CDC42SE2: variants seen among roughly 807,000 people sequenced by gnomAD.
CDC42SE2 encodes the protein CDC42 small effector protein 2.
Under a neutral mutation model 11.5 loss-of-function variants are expected in CDC42SE2, and 3 were observed. The observed-to-expected ratio is 0.26, with a 90% CI of 0.12 to 0.67. The LOEUF is 0.67. Ranked by LOEUF, CDC42SE2 falls within the 30% of genes least tolerant of loss-of-function variation. The pLI is 0.80. For synonymous variants in CDC42SE2, 33 were observed against 34.8 expected, an observed-to-expected ratio of 0.95 and a Z score of 0.18; for missense variants, 82 against 106.8, an observed-to-expected ratio of 0.77 and a Z score of 1.02.
chr5:131,254,141 C>T (rs1756661643), intron 1 of CDC42SE2, among the ~76,000 whole-genome samples: 1 of 152,182 alleles, frequency 6.6e-6, no homozygotes, highest in African/African-American at 2.4e-5. Context: ...CCCATCAACT[C>T]GTCATTTACA....
intron 2 of CDC42SE2, among the ~76,000 whole-genome samples, chr5:131,354,368 T>C (rs951613840): frequency 1.3e-5 from 2 of 152,118 alleles, no homozygotes; most frequent in African/African-American, 4.8e-5. Flanking sequence ...CAGGAGCCCA[T>C]AAGCACCTCT....
chr5:131,287,470 C>CT (rs879882960), intron 1 of CDC42SE2, among the ~76,000 whole-genome samples: 1,423 of 141,352 alleles, frequency 0.01, 15 homozygotes, highest in African/African-American at 0.025. Context: ...TTTTCTTTTT[C>CT]TTTTTTTTTT....
chr5:131,342,085 T>C (rs1435437192), intron 2 of CDC42SE2, among the ~76,000 whole-genome samples: 2 of 151,714 alleles, frequency 1.3e-5, no homozygotes, highest in African/African-American at 4.8e-5. Context: ...ATCGAGACCA[T>C]CCTGGCCAAC....
chr5:131,347,306 A>T (rs185767024), intron 2 of CDC42SE2, among the ~76,000 whole-genome samples: 1 of 152,342 alleles, frequency 6.6e-6, no homozygotes, highest in African/African-American at 2.4e-5. Context: ...ATAAAAAATG[A>T]TAAAGGGGAT....
chr5:131,228,601 C>T, the CDC42SE2 span, among the ~76,000 whole-genome samples: 2 of 152,118 alleles, frequency 1.3e-5, no homozygotes, highest in African/African-American at 4.8e-5. Context: ...GTGCAAATAC[C>T]AGCAGCTTTA....
intron 2 of CDC42SE2, among the ~76,000 whole-genome samples, chr5:131,339,809 CAAA>C (rs748107559): frequency 3.6e-5 from 3 of 82,438 alleles, no homozygotes; most frequent in Non-Finnish European, 5.0e-5. Flanking sequence ...GACCCCATCT[CAAA>C]AAAAAAAAAA....
intron 2 of CDC42SE2, among the ~76,000 whole-genome samples, chr5:131,353,524 C>T (rs1038548912): frequency 6.6e-6 from 1 of 152,180 alleles, no homozygotes; most frequent in Non-Finnish European, 1.5e-5. Context: ...TCATGTAATC[C>T]TCCCACTTTA....
At chr5:131,334,169 A>G (rs1248000649) in intron 2 of CDC42SE2, among the ~76,000 whole-genome samples, 3 of 152,186 alleles carry the variant, frequency 2.0e-5, no homozygotes, top group African/African-American at 7.2e-5. Flanking sequence ...AGTTTTTAGC[A>G]TGAAGGGTTG....
intron 2 of CDC42SE2, among the ~76,000 whole-genome samples, chr5:131,355,297 T>G (rs1009132050): frequency 6.6e-6 from 1 of 152,052 alleles, no homozygotes; most frequent in Non-Finnish European, 1.5e-5. Context: ...GGCAACATAG[T>G]GAGACCCTGT....
rs541591362 is a variant in CDC42SE2, at chr5:131,293,084, C to T, written c.-454-22892C>T. Among the ~76,000 whole-genome samples, 26 of 152,162 alleles carry T rather than the reference C, an allele frequency of 1.7e-4. 1 individual carries two copies. The highest frequency in any genetic ancestry group is 1.3e-3 in the Admixed American group (20 of 15,276). Reference sequence around the variant, plus strand: ...AATAATGCTCTGATCTGAATATTTGCGTCTCTCTTCCCCACCCCTCAAATT... The same window carrying T: ...AATAATGCTCTGATCTGAATATTTGTGTCTCTCTTCCCCACCCCTCAAATT... On this transcript the variant is annotated intron_variant, in intron 1 of 4. Coordinates refer to ENST00000505065, the MANE Select transcript of CDC42SE2 (RefSeq NM_001375635.1).
chr5:131,279,141 A>C (rs1329687298), intron 1 of CDC42SE2, among the ~76,000 whole-genome samples: 1 of 152,058 alleles, frequency 6.6e-6, no homozygotes, highest in Admixed American at 6.6e-5. Flanking sequence ...TGGTTTAAAG[A>C]AATTTCTTTA....
intron 2 of CDC42SE2, among the ~76,000 whole-genome samples, chr5:131,316,479 T>C (rs1302538006): frequency 6.6e-6 from 1 of 152,234 alleles, no homozygotes; most frequent in Admixed American, 6.5e-5. Flanking sequence ...TCCATTTTAA[T>C]CTTAGTTGTG....
At chr5:131,312,810 G>GACC (rs1757953824) in intron 1 of CDC42SE2, among the ~76,000 whole-genome samples, 1 of 152,098 alleles carries the variant, frequency 6.6e-6, no homozygotes. Context: ...TGCAAACGGT[G>GACC]TGCGCACCCA....
chr5:131,326,489 A>G (rs1758305078), intron 2 of CDC42SE2, among the ~76,000 whole-genome samples: 2 of 152,122 alleles, frequency 1.3e-5, no homozygotes, highest in Non-Finnish European at 2.9e-5. Context: ...TGTATATGCT[A>G]TGTGCTTATG....
At chr5:131,339,809 CAAAA>C (rs748107559) in intron 2 of CDC42SE2, among the ~76,000 whole-genome samples, 2 of 82,462 alleles carry the variant, frequency 2.4e-5, no homozygotes, top group African/African-American at 4.7e-5. Flanking sequence ...GACCCCATCT[CAAAA>C]AAAAAAAAAA....
chr5:131,266,375 ATACT>A (rs1296110359), intron 1 of CDC42SE2, among the ~76,000 whole-genome samples: 23 of 151,818 alleles, frequency 1.5e-4, no homozygotes, highest in African/African-American at 4.8e-4. Flanking sequence ...AATGCTTATA[ATACT>A]TAATACATTG....
At chr5:131,248,163 G>A (rs1580714466) in intron 1 of CDC42SE2, among the ~76,000 whole-genome samples, 3 of 151,170 alleles carry the variant, frequency 2.0e-5, no homozygotes, top group African/African-American at 7.3e-5. Flanking sequence ...TTTTTGAGAT[G>A]GAGTCTCACT....
chr5:131,372,723 A>AG (rs1007012425), intron 3 of CDC42SE2, among the ~76,000 whole-genome samples: 2 of 152,026 alleles, frequency 1.3e-5, no homozygotes, highest in African/African-American at 4.8e-5. Flanking sequence ...AAAAAAAAAA[A>AG]AAATGTCAGA....
At chr5:131,366,640 T>C in intron 3 of CDC42SE2, among the ~76,000 whole-genome samples, 1 of 152,190 alleles carries the variant, frequency 6.6e-6, no homozygotes, top group South Asian at 2.1e-4. Flanking sequence ...GTTGCAATTT[T>C]TAGTTACTTA....
Sources: allele counts gnomAD v4.1 joint callset (sites outside exome capture counted in the v4.1 genomes callset), GRCh38; gene constraint gnomAD v4.1.1; transcripts MANE v1.5; gene names NCBI Gene and HGNC (gene_info 2026-07-23, HGNC 2026-07-21).